The following TBXAS1 variants were observed in gnomAD, a reference collection of about 807,000 sequenced individuals.
The protein encoded by TBXAS1 is thromboxane A synthase 1.
Under a neutral mutation model 60.7 loss-of-function variants are expected in TBXAS1, and 48 were observed. The ratio of observed to expected loss-of-function variants is 0.79; its 90% CI spans 0.63 to 1.01. The LOEUF (loss-of-function observed/expected upper bound fraction) is 1.01. Among genes scored for constraint, TBXAS1 ranks in the 50% least tolerant of loss-of-function variants. TBXAS1 has a pLI of 0.00. For missense variants in TBXAS1, 685 were observed against 686.3 expected (o/e 1.00, Z 0.02); for synonymous variants, 287 against 269.7 (o/e 1.06, Z -0.63).
At chr7:139,981,724 T>G (rs2299899) in intron 9 of TBXAS1, among the ~76,000 whole-genome samples, 34 of 151,988 alleles carry the variant, frequency 2.2e-4, no homozygotes, top group Non-Finnish European at 4.1e-4. Context: ...TCACTGGGAT[T>G]GTTCTTGAGG....
At chr7:139,877,361 T>C (rs1053755996) in intron 3 of TBXAS1, among the ~76,000 whole-genome samples, 1 of 152,252 alleles carries the variant, frequency 6.6e-6, no homozygotes, top group Non-Finnish European at 1.5e-5. Flanking sequence ...GAAATTGAAC[T>C]GTCTACATTT....
rs111511717 is a variant in TBXAS1, at chr7:139,836,874, G to C, written c.89+7395G>C. On this transcript the variant is annotated intron_variant, in intron 1 of 12. Transcript: ENST00000448866. ...AAAGGAACAGTCAGCAGAGTAAACA[G>C]ACAACCCAGAGTGGGAAGAAATCTT... Among the ~76,000 whole-genome samples the C allele has an allele frequency of 8.4e-3, 1,280 of 152,256 alleles. 25 individuals are homozygous for C. The highest frequency in any genetic ancestry group is 0.029 in the African/African-American group (1,205 of 41,540).
At chr7:139,929,212 T>C (rs956175135) in intron 4 of TBXAS1, among the ~76,000 whole-genome samples, 1 of 152,210 alleles carries the variant, frequency 6.6e-6, no homozygotes, top group African/African-American at 2.4e-5. Flanking sequence ...GCAAGGCAAG[T>C]TACTTCTATA....
At position 139,829,295 on chromosome 7, in the gene TBXAS1, C is replaced by T; in HGVS notation, c.-96C>T. On this transcript the variant is annotated 5_prime_UTR_variant, in exon 1 of 13. Transcript: ENST00000448866. ...TGTGATGTTTGCTTGGTTGCCTGTT[C>T]CCTTTTCTACCTGCAGAGCACGGTT... 1 of 1,152,714 alleles carries T rather than the reference C, an allele frequency of 8.7e-7. No individual in the cohort carries two copies. The highest frequency in any genetic ancestry group is 2.0e-5 in the Admixed American group (1 of 50,914). The allele number at this position is 1,152,714 out of a possible 1,614,324, so 71.4% of individuals were successfully genotyped here.
At chr7:139,997,619 A>C (rs1813387255) in intron 9 of TBXAS1, among the ~76,000 whole-genome samples, 1 of 152,102 alleles carries the variant, frequency 6.6e-6, no homozygotes, top group African/African-American at 2.4e-5. Context: ...ACAATGCCCT[A>C]TTTCTTTCTC....
At chr7:140,009,421 T>TG (rs1281520831) in intron 10 of TBXAS1, among the ~76,000 whole-genome samples, 2 of 152,028 alleles carry the variant, frequency 1.3e-5, no homozygotes, top group African/African-American at 4.8e-5. Context: ...CAAGAGGCAG[T>TG]GGGTGGCACA....
chr7:139,968,692 C>T (rs1415856300), intron 9 of TBXAS1, among the ~76,000 whole-genome samples: 1 of 152,226 alleles, frequency 6.6e-6, no homozygotes, highest in African/African-American at 2.4e-5. Context: ...TCTGGCCTCT[C>T]CTCCTCTTGT....
At chr7:139,866,186 A>G (rs966402220) in intron 1 of TBXAS1, among the ~76,000 whole-genome samples, 1 of 152,166 alleles carries the variant, frequency 6.6e-6, no homozygotes, top group East Asian at 1.9e-4. Flanking sequence ...AGTGTTTAAA[A>G]CCAGTGACTC....
intron 9 of TBXAS1, among the ~76,000 whole-genome samples, chr7:140,001,893 C>T (rs17161334): frequency 0.089 from 13,478 of 152,276 alleles, 1,027 homozygotes; most frequent in African/African-American, 0.21. Context: ...CTAAAAATCT[C>T]AGCCTGGACA....
chr7:139,835,518 A>G (rs753663733), intron 1 of TBXAS1, among the ~76,000 whole-genome samples: 18 of 152,258 alleles, frequency 1.2e-4, no homozygotes, highest in Non-Finnish European at 2.2e-4. Context: ...CATAAACAAA[A>G]TTAAAAGCAA....
At chr7:139,827,522 T>G (rs1184718393), upstream of TBXAS1, among the ~76,000 whole-genome samples, 1 of 148,638 alleles carries the variant, frequency 6.7e-6, no homozygotes, top group Non-Finnish European at 1.5e-5. Context: ...CCTGTGTACT[T>G]CTTTGTTTGT....
intron 9 of TBXAS1, among the ~76,000 whole-genome samples, chr7:139,971,421 CCAA>C (rs1811184388): frequency 1.3e-5 from 2 of 152,002 alleles, no homozygotes; most frequent in Non-Finnish European, 2.9e-5. Flanking sequence ...AGCAGGGTGA[CCAA>C]TCGATCTGGA....
intron 4 of TBXAS1, among the ~76,000 whole-genome samples, chr7:139,918,326 C>T (rs957552009): frequency 6.6e-6 from 1 of 152,088 alleles, no homozygotes; most frequent in African/African-American, 2.4e-5. Flanking sequence ...TTCACGTGAC[C>T]GTTGGCAGCC....
At chr7:139,998,027 G>A (rs1173298046) in intron 9 of TBXAS1, among the ~76,000 whole-genome samples, 1 of 152,188 alleles carries the variant, frequency 6.6e-6, no homozygotes, top group African/African-American at 2.4e-5. Context: ...TCACCCAATG[G>A]AGCACCAAAT....
intron 4 of TBXAS1, among the ~76,000 whole-genome samples, chr7:139,928,502 A>C (rs781005334): frequency 5.9e-5 from 9 of 152,252 alleles, no homozygotes; most frequent in Non-Finnish European, 8.8e-5. Flanking sequence ...ATTAATGTTA[A>C]ATCGTGACTC....
At chr7:139,980,243 T>G (rs1214490066) in intron 9 of TBXAS1, among the ~76,000 whole-genome samples, 6 of 152,224 alleles carry the variant, frequency 3.9e-5, no homozygotes, top group African/African-American at 4.8e-5. Flanking sequence ...TCTAAAGTTA[T>G]GGCCTACAAC....
At chr7:139,957,433 C>A in intron 7 of TBXAS1, 1 of 649,432 alleles carries the variant, frequency 1.5e-6, no homozygotes, top group Non-Finnish European at 2.7e-6. Flanking sequence ...TGAGTGCTTA[C>A]TATGTGCCAG....
chr7:140,016,217 A>G (rs894613485), intron 11 of TBXAS1, among the ~76,000 whole-genome samples: 1 of 151,994 alleles, frequency 6.6e-6, no homozygotes, highest in Non-Finnish European at 1.5e-5. Context: ...AGTCCCAGCT[A>G]CTTGGGAGGC....
At position 139,961,124 on chromosome 7, in the gene TBXAS1, C is replaced by T. The variant is rs557144371; in HGVS notation, c.820-795C>T. On this transcript the variant is annotated intron_variant, in intron 8 of 12. Transcript: ENST00000448866. ...GGAAAAAAAGCTCTGACTACTTAAA[C>T]GGGGGCAGGGGATTACTGAGAAATA... Among the ~76,000 whole-genome samples the T allele has an allele frequency of 3.3e-5, 5 of 152,178 alleles. No homozygotes were observed. In the South Asian group the frequency reaches 8.3e-4, roughly 25 times the overall value.
Sources: allele counts gnomAD v4.1 joint callset (sites outside exome capture counted in the v4.1 genomes callset), GRCh38; gene constraint gnomAD v4.1.1; transcripts MANE v1.5; gene names NCBI Gene and HGNC (gene_info 2026-07-23, HGNC 2026-07-21).